The following TMEM87B variants were observed in gnomAD, a reference collection of about 807,000 sequenced individuals.
TMEM87B encodes transmembrane protein 87B.
A neutral mutation model predicts 80.3 loss-of-function variants in TMEM87B; 83 were observed. The observed-to-expected ratio is 1.03, with a 90% CI of 0.87 to 1.24. The LOEUF (loss-of-function observed/expected upper bound fraction) is 1.24. Among genes scored for constraint, TMEM87B ranks in the 50% most tolerant of loss-of-function variants. TMEM87B has a pLI of 0.00. For synonymous variants in TMEM87B, 219 were observed against 230.5 expected, an observed-to-expected ratio of 0.95 and a Z score of 0.45; for missense variants, 625 against 674.4, an observed-to-expected ratio of 0.93 and a Z score of 0.81.
intron 2 of TMEM87B, among the ~76,000 whole-genome samples, chr2:112,060,530 A>G (rs1356214513): frequency 1.3e-5 from 2 of 151,654 alleles, no homozygotes; most frequent in African/African-American, 4.8e-5. Flanking sequence ...ATTTACAAGA[A>G]TGGATTTTTC....
intron 1 of TMEM87B, among the ~76,000 whole-genome samples, chr2:112,056,109 G>C (rs1678049297): frequency 2.0e-5 from 3 of 152,100 alleles, no homozygotes; most frequent in Non-Finnish European, 4.4e-5. Flanking sequence ...GCATCTTTGG[G>C]ATTCGACTCT....
chr2:112,117,382 AATCTT>A lies in TMEM87B; in HGVS notation c.*1241_*1245del, dbSNP rs1289987627. 2 of 152,244 alleles carry A rather than the reference AATCTT, an allele frequency of 1.3e-5. No individual in the cohort carries two copies. The highest frequency in any genetic ancestry group is 4.8e-5 in the African/African-American group (2 of 41,462). 9.4% of individuals were successfully genotyped at this position (152,244 alleles called of 1,614,324 possible). A position where few individuals can be genotyped will look rare whatever the true frequency, so the allele number is the denominator to read the frequency against. Reference sequence around the variant, plus strand: ...AGAATTTTGATTAAGAAAACATTAAAATCTTAACCGGCACAAACACTCCAATTTTT... The same window carrying A: ...AGAATTTTGATTAAGAAAACATTAAAAACCGGCACAAACACTCCAATTTTT... On this transcript the variant is annotated 3_prime_UTR_variant, in exon 19 of 19. Transcript: ENST00000283206.
intron 4 of TMEM87B, among the ~76,000 whole-genome samples, chr2:112,074,662 A>G (rs1383827985): frequency 1.3e-5 from 2 of 152,158 alleles, no homozygotes; most frequent in Non-Finnish European, 2.9e-5. Flanking sequence ...AGGTTTTTCA[A>G]GTTGCTTCCA....
At chr2:112,069,299 C>A (rs1277021963) in intron 4 of TMEM87B, among the ~76,000 whole-genome samples, 1 of 149,164 alleles carries the variant, frequency 6.7e-6, no homozygotes, top group Non-Finnish European at 1.5e-5. Context: ...GTCATTTTTT[C>A]TGCTCCTCTA....
intron 5 of TMEM87B, among the ~76,000 whole-genome samples, chr2:112,076,679 A>C (rs1195695451): frequency 6.6e-6 from 1 of 152,170 alleles, no homozygotes; most frequent in Non-Finnish European, 1.5e-5. Flanking sequence ...AACAATTTAT[A>C]GATTGGTAAT....
At chr2:112,100,137 A>C (rs904711329) in intron 14 of TMEM87B, among the ~76,000 whole-genome samples, 8 of 152,188 alleles carry the variant, frequency 5.3e-5, no homozygotes, top group African/African-American at 1.9e-4. Flanking sequence ...ATGAATTTTT[A>C]CTTTAATGGC....
intron 4 of TMEM87B, among the ~76,000 whole-genome samples, chr2:112,068,011 G>A (rs536384726): frequency 1.4e-4 from 22 of 152,226 alleles, no homozygotes; most frequent in African/African-American, 5.1e-4. Context: ...TCAGTAGTTC[G>A]AGACCAGCCT....
intron 17 of TMEM87B, among the ~76,000 whole-genome samples, 162 bp from the exon 18 acceptor site, chr2:112,112,737 C>A (rs1679952191): frequency 6.6e-6 from 1 of 152,216 alleles, no homozygotes; most frequent in Admixed American, 6.5e-5. Context: ...GCTGCGAAAA[C>A]TCCTGCATGT....
intron 10 of TMEM87B, among the ~76,000 whole-genome samples, chr2:112,091,056 G>A (rs546371215): frequency 2.9e-4 from 44 of 152,196 alleles, no homozygotes; most frequent in African/African-American, 1.0e-3. Flanking sequence ...TATCCCACAT[G>A]TAAATACACC....
At chr2:112,100,411 T>C (rs187537846) in intron 14 of TMEM87B, among the ~76,000 whole-genome samples, 3 of 152,372 alleles carry the variant, frequency 2.0e-5, no homozygotes, top group East Asian at 1.9e-4. Context: ...TACCCACTTA[T>C]GCTTTTACAA....
intron 8 of TMEM87B, 82 bp from the exon 9 acceptor site, chr2:112,085,923 C>A: frequency 8.8e-7 from 1 of 1,130,888 alleles, no homozygotes; most frequent in Non-Finnish European, 1.3e-6. Context: ...TGTAGTTATA[C>A]ACAGGACATG....
rs949976082 is a variant in TMEM87B, at chr2:112,055,333, G to T, written c.-259G>T. The T allele has an allele frequency of 4.0e-6, 2 of 496,866 alleles. No homozygotes were observed. Among genetic ancestry groups the T allele is most frequent in the Non-Finnish European group, 3.5e-6 (1 of 284,598 alleles). 30.8% of individuals were successfully genotyped at this position (496,866 alleles called of 1,614,324 possible). A position where few individuals can be genotyped will look rare whatever the true frequency, so the allele number is the denominator to read the frequency against. On this transcript the variant is annotated 5_prime_UTR_variant, in exon 1 of 19. Coordinates refer to ENST00000283206, the MANE Select transcript of TMEM87B (RefSeq NM_032824.3). ...GTCTCGCCGCCAACTCCACATCCTG[G>T]CTCCTATCTCTGCCTTCCAGGCATC...
chr2:112,059,594 C>T (rs539812753), intron 1 of TMEM87B, among the ~76,000 whole-genome samples: 10 of 152,232 alleles, frequency 6.6e-5, no homozygotes, highest in East Asian at 5.8e-4. Context: ...TAAACCATAA[C>T]GACTTGGAGC....
intron 3 of TMEM87B, 45 bp from the exon 4 acceptor site, chr2:112,066,891 A>G (rs762599855): frequency 6.7e-7 from 1 of 1,484,478 alleles, no homozygotes; most frequent in South Asian, 1.4e-5. Flanking sequence ...TTCTAGGATA[A>G]GAAGTGTGGG....
intron 4 of TMEM87B, among the ~76,000 whole-genome samples, chr2:112,067,666 C>G (rs545546642): frequency 1.3e-5 from 2 of 152,306 alleles, no homozygotes; most frequent in East Asian, 3.9e-4. Flanking sequence ...AATATCCTTG[C>G]AAGGTTCTTT....
At chr2:112,095,208 TTTTTG>T (rs1679431056) in intron 11 of TMEM87B, 4 of 784,278 alleles carry the variant, frequency 5.1e-6, no homozygotes, top group African/African-American at 2.8e-5. Context: ...TTTTTTTTTT[TTTTTG>T]CTGTTTTGCT....
chr2:112,083,519 A>G (rs537056579), intron 8 of TMEM87B, among the ~76,000 whole-genome samples: 10 of 152,340 alleles, frequency 6.6e-5, no homozygotes, highest in Admixed American at 4.6e-4. Context: ...CATCATTGCA[A>G]AAGGGTCTGT....
chr2:112,101,635 G>T (rs1679634769), intron 15 of TMEM87B, among the ~76,000 whole-genome samples: 1 of 152,128 alleles, frequency 6.6e-6, no homozygotes, highest in Non-Finnish European at 1.5e-5. Flanking sequence ...GTGGAGCAAA[G>T]AAAATGTTAT....
At chr2:112,078,948 T>A (rs189338444) in intron 6 of TMEM87B, among the ~76,000 whole-genome samples, 1 of 152,328 alleles carries the variant, frequency 6.6e-6, no homozygotes, top group East Asian at 1.9e-4. Context: ...TAGAATAGCG[T>A]GTATACAAGT....
Sources: allele counts gnomAD v4.1 joint callset (sites outside exome capture counted in the v4.1 genomes callset), GRCh38; gene constraint gnomAD v4.1.1; transcripts MANE v1.5; gene names NCBI Gene and HGNC (gene_info 2026-07-23, HGNC 2026-07-21).